The following FBXL7 variants were observed in gnomAD, a reference collection of about 807,000 sequenced individuals.
FBXL7 encodes the protein F-box/LRR-repeat protein 7.
In FBXL7, 12 loss-of-function variants were observed where a neutral mutation model predicts 38.3. The ratio of observed to expected loss-of-function variants is 0.31; its 90% CI spans 0.20 to 0.51. The LOEUF is 0.51. FBXL7 is among the 20% of genes least tolerant of loss of function. The pLI is 0.98. For missense variants in FBXL7, 567 were observed against 676.4 expected, an observed-to-expected ratio of 0.84 and a Z score of 1.79; for synonymous variants, 297 against 300.9, an observed-to-expected ratio of 0.99 and a Z score of 0.13.
chr5:15,647,712 A>C (rs1741575872), intron 2 of FBXL7, among the ~76,000 whole-genome samples: 1 of 152,260 alleles, frequency 6.6e-6, no homozygotes, highest in African/African-American at 2.4e-5. Context: ...AAGAGGAAAT[A>C]GAGGAGCATT....
At chr5:15,563,233 A>G (rs1393096795) in intron 1 of FBXL7, among the ~76,000 whole-genome samples, 1 of 152,172 alleles carries the variant, frequency 6.6e-6, no homozygotes, top group Non-Finnish European at 1.5e-5. Context: ...TACTTAGTAT[A>G]GTGCTTGGCA....
At chr5:15,718,946 C>G (rs1209742549) in intron 2 of FBXL7, among the ~76,000 whole-genome samples, 1 of 152,214 alleles carries the variant, frequency 6.6e-6, no homozygotes. Context: ...GCTACACTTT[C>G]TCATTGCAAT....
intron 2 of FBXL7, among the ~76,000 whole-genome samples, chr5:15,893,115 CAA>C (rs931760815): frequency 4.3e-4 from 31 of 71,514 alleles, no homozygotes; most frequent in Admixed American, 6.6e-4. Context: ...GACTCTGTCT[CAA>C]AAAAAAAAAA....
intron 2 of FBXL7, among the ~76,000 whole-genome samples, chr5:15,785,731 T>C (rs1198534983): frequency 6.6e-6 from 1 of 152,204 alleles, no homozygotes; most frequent in Non-Finnish European, 1.5e-5. Flanking sequence ...CATGAACGTA[T>C]CAAAGAGCCT....
At chr5:15,816,287 G>A (rs1320300348) in intron 2 of FBXL7, among the ~76,000 whole-genome samples, 2 of 151,632 alleles carry the variant, frequency 1.3e-5, no homozygotes, top group Admixed American at 6.6e-5. Flanking sequence ...ATATATATAT[G>A]TGCCATGGAG....
chr5:15,858,955 ATT>A (rs1739356898), intron 2 of FBXL7, among the ~76,000 whole-genome samples: 2 of 152,224 alleles, frequency 1.3e-5, no homozygotes, highest in African/African-American at 4.8e-5. Context: ...CTTAACCAGT[ATT>A]TTTATATCTG....
At chr5:15,738,049 C>T (rs1011165154) in intron 2 of FBXL7, among the ~76,000 whole-genome samples, 1 of 152,160 alleles carries the variant, frequency 6.6e-6, no homozygotes, top group Admixed American at 6.5e-5. Flanking sequence ...GCTCCCAGGA[C>T]TGGTGCCAAT....
chr5:15,832,542 A>G (rs866329375), intron 2 of FBXL7, among the ~76,000 whole-genome samples: 1 of 152,208 alleles, frequency 6.6e-6, no homozygotes, highest in Non-Finnish European at 1.5e-5. Context: ...AATACAAGGC[A>G]TTTGAGTTAA....
At chr5:15,771,833 T>A (rs1297547425) in intron 2 of FBXL7, among the ~76,000 whole-genome samples, 1 of 150,378 alleles carries the variant, frequency 6.6e-6, no homozygotes, top group Non-Finnish European at 1.5e-5. Flanking sequence ...TGGAGTGCGA[T>A]CTTGGCTCAC....
chr5:15,897,303 C>T (rs1687264351), intron 2 of FBXL7, among the ~76,000 whole-genome samples: 1 of 152,160 alleles, frequency 6.6e-6, no homozygotes, highest in South Asian at 2.1e-4. Context: ...AAATCTAACG[C>T]CTTTGTTCGT....
Position 15,877,450 on chromosome 5 carries a change from ATC to A in FBXL7, c.128-50439_128-50438del, listed in dbSNP as rs1268849885. 3.3e-5 allele frequency among the ~76,000 whole-genome samples: 5 copies of A among 152,322 alleles called. No individual in the cohort carries two copies. The East Asian group carries it at 9.7e-4, about 29-fold the overall frequency. ...TTAATTTTCATGAGGGATTCATTTA[ATC>A]GTATTTCAATTCCATAGAGACTGAA... On this transcript the variant is annotated intron_variant, in intron 2 of 3. Coordinates refer to ENST00000504595, the MANE Select transcript of FBXL7 (RefSeq NM_012304.5).
intron 2 of FBXL7, among the ~76,000 whole-genome samples, chr5:15,712,882 T>C (rs1743921528): frequency 6.6e-6 from 1 of 152,116 alleles, no homozygotes; most frequent in Non-Finnish European, 1.5e-5. Context: ...AGAGCTGTGG[T>C]CCAGCATCTA....
At chr5:15,901,727 T>G (rs1312641045) in intron 2 of FBXL7, among the ~76,000 whole-genome samples, 2 of 152,198 alleles carry the variant, frequency 1.3e-5, no homozygotes, top group African/African-American at 4.8e-5. Flanking sequence ...TTCAAAAAGA[T>G]TTTTGATTCA....
At position 15,541,453 on chromosome 5, in the gene FBXL7, A is replaced by G. The variant is rs1281575281; in HGVS notation, c.37+40740A>G. ...TATATGTGTGTGTGTGTATATATAT[A>G]TATATATATATATATATATATATAT... is the stretch of plus-strand genomic sequence containing the variant. On this transcript the variant is annotated intron_variant, in intron 1 of 3. Coordinates refer to ENST00000504595, the MANE Select transcript of FBXL7 (RefSeq NM_012304.5). 1.2e-3 allele frequency among the ~76,000 whole-genome samples: 131 copies of G among 112,034 alleles called. 1 individual carries two copies. Among genetic ancestry groups the G allele is most frequent in the African/African-American group, 3.9e-3 (121 of 30,890 alleles). The allele number at this position is 112,034 out of a possible 152,430, so 73.5% of individuals were successfully genotyped here.
intron 1 of FBXL7, among the ~76,000 whole-genome samples, chr5:15,587,317 A>G (rs1739335348): frequency 6.6e-6 from 1 of 151,846 alleles, no homozygotes; most frequent in African/African-American, 2.4e-5. Flanking sequence ...TGCAGGGCTG[A>G]CTCCTTCTCA....
chr5:15,506,244 T>A (rs1288090396), intron 1 of FBXL7, among the ~76,000 whole-genome samples: 2 of 152,062 alleles, frequency 1.3e-5, no homozygotes, highest in Non-Finnish European at 2.9e-5. Flanking sequence ...AAGGGTGACT[T>A]AGACACAAGC....
At chr5:15,812,948 T>C (rs908485077) in intron 2 of FBXL7, among the ~76,000 whole-genome samples, 8 of 152,146 alleles carry the variant, frequency 5.3e-5, no homozygotes, top group Non-Finnish European at 1.2e-4. Context: ...TATTGGTGTA[T>C]AGGAATGCTT....
At chr5:15,798,752 T>A (rs1286644415) in intron 2 of FBXL7, among the ~76,000 whole-genome samples, 2 of 152,212 alleles carry the variant, frequency 1.3e-5, no homozygotes, top group African/African-American at 4.8e-5. Context: ...AAATGCTTCA[T>A]CAGCCTTCTC....
chr5:15,674,598 G>C (rs945161359), intron 2 of FBXL7, among the ~76,000 whole-genome samples: 6 of 152,226 alleles, frequency 3.9e-5, no homozygotes, highest in Non-Finnish European at 7.4e-5. Flanking sequence ...CATAGGGTTT[G>C]TAATTTTACT....
Sources: gnomAD v4.1 joint callset for allele counts (sites outside exome capture counted in the v4.1 genomes callset) on GRCh38, gnomAD v4.1.1 for gene constraint, MANE v1.5 for transcripts, NCBI Gene and HGNC (gene_info 2026-07-23, HGNC 2026-07-21) for gene names.